Variants in EMB observed in about 807,000 individuals in gnomAD.
EMB encodes embigin.
Under a neutral mutation model 41.4 loss-of-function variants are expected in EMB, and 31 were observed. That is an observed-to-expected ratio of 0.75 (90% CI 0.56 to 1.01). The LOEUF (loss-of-function observed/expected upper bound fraction) is 1.01, where lower values mean the gene tolerates loss of function less well. Among genes scored for constraint, EMB ranks in the 50% least tolerant of loss-of-function variants. The pLI, the probability that EMB is intolerant of heterozygous loss-of-function variation, is 0.00. For missense variants in EMB, 379 were observed against 388.3 expected (o/e 0.98, Z 0.20); for synonymous variants, 137 against 140.4 (o/e 0.98, Z 0.17).
intron 1 of EMB, among the ~76,000 whole-genome samples, chr5:50,432,785 T>C (rs1176171780): frequency 2.7e-5 from 4 of 147,130 alleles, no homozygotes; most frequent in African/African-American, 1.0e-4. Context: ...GTCAAAAAAT[T>C]CTAGTTATCA....
At chr5:50,437,649 G>A (rs1745826663) in intron 1 of EMB, among the ~76,000 whole-genome samples, 1 of 149,728 alleles carries the variant, frequency 6.7e-6, no homozygotes, top group Admixed American at 6.7e-5. Context: ...CTGCCAGCAT[G>A]TTCTACTGAG....
At chr5:50,411,523 A>G (rs561911491) in intron 2 of EMB, 140 bp from the exon 3 acceptor site, 6 of 616,412 alleles carry the variant, frequency 9.7e-6, no homozygotes, top group African/African-American at 1.9e-5. Context: ...TCCTCTATCA[A>G]CATAGTTGGT....
At chr5:50,430,648 A>G (rs1745705867) in intron 1 of EMB, among the ~76,000 whole-genome samples, 1 of 152,184 alleles carries the variant, frequency 6.6e-6, no homozygotes, top group East Asian at 1.9e-4. Context: ...ATTAATGCAT[A>G]GTATATAACT....
intron 2 of EMB, among the ~76,000 whole-genome samples, chr5:50,426,701 T>C (rs1302069349): frequency 2.0e-5 from 3 of 152,070 alleles, no homozygotes; most frequent in Non-Finnish European, 4.4e-5. Context: ...TAGACAACAA[T>C]GAATAATGAT....
intron 4 of EMB, 59 bp downstream of exon 4, chr5:50,410,818 A>C: frequency 9.6e-7 from 1 of 1,037,070 alleles, no homozygotes; most frequent in Non-Finnish European, 1.4e-6. Context: ...TACAGGATTG[A>C]GAAATCTAAG....
In EMB at chr5:50,398,547, A is replaced by C. The variant is rs141944359; in HGVS notation, c.*726T>G. On this transcript the variant is annotated 3_prime_UTR_variant, in exon 9 of 9. Transcript: ENST00000303221. ...TAAAACATAAACAATGGTGTACCTT[A>C]TGAAGTTAAAAACCCTATTTAAGAC... is the stretch of plus-strand genomic sequence containing the variant. The C allele has an allele frequency of 1.8e-3, 267 of 152,208 alleles. 1 individual carries two copies. Among genetic ancestry groups the C allele is most frequent in the African/African-American group, 6.1e-3 (255 of 41,564 alleles). 9.4% of individuals were successfully genotyped at this position (152,208 alleles called of 1,614,324 possible).
Position 50,433,592 on chromosome 5 carries a change from A to G in EMB, c.113-5365T>C, listed in dbSNP as rs565039928. On this transcript the variant is annotated intron_variant, in intron 1 of 8. Coordinates refer to ENST00000303221, the MANE Select transcript of EMB (RefSeq NM_198449.3). ...TTGGGATTTTGTTCAGTGGCTCTCA[A>G]CTGAGGGTAGTTTTGCCCCGCAGGA... 4.9e-4 allele frequency among the ~76,000 whole-genome samples: 75 copies of G among 152,364 alleles called. No homozygotes were observed. The South Asian group carries it at 5.8e-3, about 12-fold the overall frequency.
chr5:50,430,057 G>A (rs1259779623), intron 1 of EMB, among the ~76,000 whole-genome samples: 4 of 147,456 alleles, frequency 2.7e-5, no homozygotes, highest in Non-Finnish European at 6.0e-5. Context: ...TAAAAGAAAG[G>A]CTCCCATAAA....
intron 2 of EMB, among the ~76,000 whole-genome samples, chr5:50,418,808 G>A (rs1221001604): frequency 6.6e-6 from 1 of 152,106 alleles, no homozygotes; most frequent in Admixed American, 6.6e-5. Context: ...CATCAATTCT[G>A]CTAGCCAAAA....
chr5:50,428,259 C>T, intron 1 of EMB, 32 bp from the exon 2 acceptor site: 1 of 1,500,704 alleles, frequency 6.7e-7, no homozygotes. Context: ...ATTACACACT[C>T]TTATCAAGAG....
upstream of EMB, chr5:50,441,364 A>AT: frequency 2.8e-6 from 1 of 358,806 alleles, no homozygotes. Context: ...TCCATCAGTT[A>AT]TGCAGCCCTC....
chr5:50,401,488 G>A (rs7717982), intron 7 of EMB, among the ~76,000 whole-genome samples: 59,640 of 151,636 alleles, frequency 0.39, 12,244 homozygotes, highest in African/African-American at 0.51. Flanking sequence ...ATCTAGCCTC[G>A]TTTTCCTGGA....
At chr5:50,407,086 T>A (rs905774814) in intron 4 of EMB, among the ~76,000 whole-genome samples, 19 of 152,090 alleles carry the variant, frequency 1.2e-4, no homozygotes, top group Admixed American at 3.9e-4. Flanking sequence ...CACTCAGTAA[T>A]TAAGGACACA....
At chr5:50,423,016 T>G (rs980705159) in intron 2 of EMB, among the ~76,000 whole-genome samples, 1 of 150,348 alleles carries the variant, frequency 6.7e-6, no homozygotes, top group African/African-American at 2.5e-5. Context: ...ACATGGTTTA[T>G]AACAAAAAAA....
intron 2 of EMB, among the ~76,000 whole-genome samples, chr5:50,422,203 A>G (rs2111829513): frequency 6.6e-6 from 1 of 152,368 alleles, no homozygotes; most frequent in Non-Finnish European, 1.5e-5. Context: ...AAAACTTTTT[A>G]GACTGCAAGC....
intron 2 of EMB, among the ~76,000 whole-genome samples, chr5:50,423,789 G>A (rs1360312019): frequency 1.3e-5 from 2 of 152,160 alleles, no homozygotes; most frequent in South Asian, 2.1e-4. Flanking sequence ...ACAGGCCCAC[G>A]TCTTTAAATA....
chr5:50,420,020 G>C (rs1471487285), intron 2 of EMB, among the ~76,000 whole-genome samples: 1 of 130,128 alleles, frequency 7.7e-6, no homozygotes, highest in Non-Finnish European at 1.6e-5. Flanking sequence ...CACACATAGG[G>C]GCTTGTCGAT....
At chr5:50,434,603 T>C (rs1225707303) in intron 1 of EMB, among the ~76,000 whole-genome samples, 15 of 152,194 alleles carry the variant, frequency 9.9e-5, no homozygotes, top group Admixed American at 9.8e-4. Flanking sequence ...TGAAACAAGG[T>C]ATCTAAATTC....
intron 2 of EMB, among the ~76,000 whole-genome samples, chr5:50,412,871 G>T (rs2111800681): frequency 6.7e-6 from 1 of 148,420 alleles, no homozygotes; most frequent in East Asian, 2.0e-4. Flanking sequence ...TGACCCAGCA[G>T]GTAAGTACAA....
Sources: allele counts gnomAD v4.1 joint callset (sites outside exome capture counted in the v4.1 genomes callset), GRCh38; gene constraint gnomAD v4.1.1; transcripts MANE v1.5; gene names NCBI Gene and HGNC (gene_info 2026-07-23, HGNC 2026-07-21).